The following PRKN variants were observed in gnomAD, a reference collection of about 807,000 sequenced individuals.
PRKN encodes E3 ubiquitin-protein ligase parkin.
Under a neutral mutation model 59.5 loss-of-function variants are expected in PRKN, and 56 were observed. The ratio of observed to expected loss-of-function variants is 0.94; its 90% CI spans 0.76 to 1.18. The LOEUF is 1.18. Among genes scored for constraint, PRKN ranks in the 50% most tolerant of loss-of-function variants. The pLI is 0.00. For missense variants in PRKN, 657 were observed against 596.4 expected (o/e 1.10, Z -1.06); for synonymous variants, 250 against 222.1 (o/e 1.13, Z -1.12).
At chr6:162,611,518 C>T (rs1384610271) in intron 1 of PRKN, among the ~76,000 whole-genome samples, 3 of 152,146 alleles carry the variant, frequency 2.0e-5, no homozygotes, top group Non-Finnish European at 4.4e-5. Context: ...GGGTGCATTA[C>T]ACTCAGAAGG....
In PRKN at chr6:161,706,822, T is replaced by C. The variant is rs768617192; in HGVS notation, c.871+78950A>G. On this transcript the variant is annotated intron_variant, in intron 7 of 11. Transcript: ENST00000366898. The stretch of plus-strand genomic sequence containing the variant: ...ATCTAACCGCCTCGGCCTCCTAAAG[T>C]GCTGGGATTACAGGCGTGAGCCACC... Among the ~76,000 whole-genome samples, 43 of 152,058 alleles carry C rather than the reference T, an allele frequency of 2.8e-4. 1 individual carries two copies. The highest frequency in any genetic ancestry group is 8.8e-5 in the Non-Finnish European group (6 of 68,016).
intron 5 of PRKN, among the ~76,000 whole-genome samples, chr6:162,051,681 G>T (rs1777651900): frequency 6.6e-6 from 1 of 152,116 alleles, no homozygotes; most frequent in East Asian, 1.9e-4. Flanking sequence ...AGGGTGAGTT[G>T]TCACCCCCAG....
chr6:162,715,902 T>A (rs948221766), intron 1 of PRKN, among the ~76,000 whole-genome samples: 8 of 152,166 alleles, frequency 5.3e-5, no homozygotes, highest in African/African-American at 1.9e-4. Context: ...AGGAGTCCAG[T>A]CTGTTGTTAA....
intron 9 of PRKN, among the ~76,000 whole-genome samples, chr6:161,412,556 C>T (rs966276787): frequency 1.6e-4 from 24 of 149,218 alleles, no homozygotes; most frequent in African/African-American, 5.7e-4. Context: ...ATTCCTTCCT[C>T]ACTCATTCCT....
chr6:162,035,176 T>G (rs34611002), intron 5 of PRKN, among the ~76,000 whole-genome samples: 94 of 127,804 alleles, frequency 7.4e-4, no homozygotes, highest in African/African-American at 1.1e-3. Context: ...TATATATATA[T>G]ATAGAGAGAG....
intron 5 of PRKN, among the ~76,000 whole-genome samples, chr6:162,004,297 C>T (rs1267879176): frequency 6.6e-6 from 1 of 152,158 alleles, no homozygotes. Flanking sequence ...GTGTGAGACA[C>T]CTCACTTTCC....
chr6:161,637,682 T>TA (rs1783576166), intron 7 of PRKN, among the ~76,000 whole-genome samples: 1 of 145,398 alleles, frequency 6.9e-6, no homozygotes, highest in Non-Finnish European at 1.5e-5. Flanking sequence ...GAGATGAAAC[T>TA]AAAAAATAGA....
chr6:161,983,754 G>T (rs1263164555), intron 5 of PRKN, among the ~76,000 whole-genome samples: 7 of 89,284 alleles, frequency 7.8e-5, no homozygotes, highest in Admixed American at 1.2e-4. Flanking sequence ...TGGGGACTGT[G>T]GTGGGGTCGG....
At chr6:162,609,951 A>T (rs1362542372) in intron 1 of PRKN, among the ~76,000 whole-genome samples, 1 of 152,228 alleles carries the variant, frequency 6.6e-6, no homozygotes, top group Non-Finnish European at 1.5e-5. Context: ...AATTACATGG[A>T]TACGTTTTGG....
chr6:161,550,594 T>C lies in PRKN; in HGVS notation c.934-1591A>G, dbSNP rs1037017371. ...TAAATTAAAGGGAGAAGTTGCAGAATTTTCAGTCAGGTTGGATGCCTGGTG... is the reference window on the plus strand; with the variant it reads ...TAAATTAAAGGGAGAAGTTGCAGAACTTTCAGTCAGGTTGGATGCCTGGTG... On this transcript the variant is annotated intron_variant, in intron 8 of 11. Coordinates refer to ENST00000366898, the MANE Select transcript of PRKN (RefSeq NM_004562.3). This position sits in a 1 kb window ranked among gnomAD's most constrained non-coding sequence, Gnocchi z 4.0. 6.6e-6 allele frequency among the ~76,000 whole-genome samples: 1 copy of C among 152,086 alleles called. No individual in the cohort carries two copies. Among genetic ancestry groups the C allele is most frequent in the African/African-American group, 2.4e-5 (1 of 41,404 alleles).
intron 9 of PRKN, among the ~76,000 whole-genome samples, chr6:161,438,383 A>AT (rs1429920938): frequency 3.3e-5 from 5 of 151,648 alleles, no homozygotes; most frequent in African/African-American, 1.2e-4. Flanking sequence ...ACGCCCAGCT[A>AT]TTTTTTGTAT....
At chr6:162,664,753 GT>G (rs1562480604) in intron 1 of PRKN, among the ~76,000 whole-genome samples, 1 of 151,734 alleles carries the variant, frequency 6.6e-6, no homozygotes, top group Non-Finnish European at 1.5e-5. Flanking sequence ...TTGTAAATAT[GT>G]TTAAGTTCCT....
chr6:162,531,057 CA>C (rs1171548218), intron 1 of PRKN, among the ~76,000 whole-genome samples: 226 of 79,890 alleles, frequency 2.8e-3, no homozygotes, highest in East Asian at 8.4e-3. Flanking sequence ...ACTCCATCTC[CA>C]AAAAAAAAAA....
At chr6:162,540,622 C>T (rs1368085403) in intron 1 of PRKN, among the ~76,000 whole-genome samples, 13 of 151,796 alleles carry the variant, frequency 8.6e-5, no homozygotes, top group Admixed American at 7.9e-4. Flanking sequence ...GCCTGGCCAA[C>T]ATGGTTAAAC....
At chr6:161,619,903 T>C (rs1338025512) in intron 7 of PRKN, among the ~76,000 whole-genome samples, 1 of 152,038 alleles carries the variant, frequency 6.6e-6, no homozygotes, top group Non-Finnish European at 1.5e-5. Context: ...TAAAATATAT[T>C]ATTAAAATTA....
At chr6:162,410,028 A>C (rs1297612901) in intron 2 of PRKN, among the ~76,000 whole-genome samples, 1 of 152,200 alleles carries the variant, frequency 6.6e-6, no homozygotes, top group Non-Finnish European at 1.5e-5. Context: ...TGGCTAACAA[A>C]ATAACATTAT....
At chr6:161,662,916 A>C (rs1187793663) in intron 7 of PRKN, among the ~76,000 whole-genome samples, 1 of 152,224 alleles carries the variant, frequency 6.6e-6, no homozygotes, top group South Asian at 2.1e-4. Context: ...CCCAAATTTC[A>C]TCTTGAATTG....
At chr6:162,052,829 C>A (rs189004478) in intron 5 of PRKN, among the ~76,000 whole-genome samples, 7 of 147,850 alleles carry the variant, frequency 4.7e-5, no homozygotes, top group Non-Finnish European at 1.0e-4. Context: ...TTTATAGGGG[C>A]AAGATTCTAT....
rs990344913 is a variant in PRKN, at chr6:161,917,458, TA to T, written c.734+55843del. Among the ~76,000 whole-genome samples, 6 of 151,616 alleles carry T rather than the reference TA, an allele frequency of 4.0e-5. No homozygotes were observed. In the South Asian group the frequency reaches 6.3e-4, roughly 16 times the overall value. On this transcript the variant is annotated intron_variant, in intron 6 of 11. Coordinates refer to ENST00000366898, the MANE Select transcript of PRKN (RefSeq NM_004562.3). Reference sequence around the variant, plus strand: ...TGCCATATATTTTGGATTCTCTCTTTAAAAAAAAATCTGTAACATTTTAAAA... The same window carrying T: ...TGCCATATATTTTGGATTCTCTCTTTAAAAAAAATCTGTAACATTTTAAAA...
Sources: gnomAD v4.1 joint callset for allele counts (sites outside exome capture counted in the v4.1 genomes callset) on GRCh38, gnomAD v4.1.1 for gene constraint, Gnocchi (gnomAD v3.1) non-coding constraint, MANE v1.5 for transcripts, NCBI Gene and HGNC (gene_info 2026-07-23, HGNC 2026-07-21) for gene names.